The following TTC28 variants were observed in gnomAD, a reference collection of about 807,000 sequenced individuals.
The protein encoded by TTC28 is tetratricopeptide repeat domain 28.
Under a neutral mutation model 198.0 loss-of-function variants are expected in TTC28, and 61 were observed. That is an observed-to-expected ratio of 0.31 (90% CI 0.25 to 0.38). The LOEUF is 0.38. TTC28 is among the 10% of genes least tolerant of loss of function. The pLI is 1.00. For synonymous variants in TTC28, 1,171 were observed against 1,297.8 expected (o/e 0.90, Z 2.10); for missense variants, 2,678 against 3,164.0 (o/e 0.85, Z 3.69).
intron 2 of TTC28, among the ~76,000 whole-genome samples, chr22:28,461,577 C>T (rs991378053): frequency 6.6e-6 from 1 of 152,146 alleles, no homozygotes; most frequent in African/African-American, 2.4e-5. Context: ...GCTGGGATTA[C>T]GGACACCTAC....
chr22:28,530,035 G>A (rs529665577), intron 2 of TTC28, among the ~76,000 whole-genome samples: 2 of 152,318 alleles, frequency 1.3e-5, no homozygotes, highest in East Asian at 1.9e-4. Context: ...GCCAGCAACG[G>A]AACAAAGCTG....
At chr22:28,020,355 G>A (rs62237565) in intron 13 of TTC28, among the ~76,000 whole-genome samples, 1 of 152,162 alleles carries the variant, frequency 6.6e-6, no homozygotes, top group Non-Finnish European at 1.5e-5. Context: ...AACCTACTTC[G>A]GGAACATTTT....
At chr22:28,540,497 A>G (rs997519191) in intron 2 of TTC28, among the ~76,000 whole-genome samples, 1 of 152,202 alleles carries the variant, frequency 6.6e-6, no homozygotes, top group African/African-American at 2.4e-5. Context: ...CAGATAACAT[A>G]ACAGCATTTT....
chr22:28,126,378 C>T (rs920922547), intron 6 of TTC28, among the ~76,000 whole-genome samples: 6 of 152,142 alleles, frequency 3.9e-5, no homozygotes, highest in Admixed American at 6.5e-5. Context: ...CACAATCTCA[C>T]GGTATTTGAG....
intron 2 of TTC28, among the ~76,000 whole-genome samples, chr22:28,384,483 C>T (rs188554095): frequency 5.1e-4 from 78 of 152,174 alleles, no homozygotes; most frequent in Non-Finnish European, 9.6e-4. Flanking sequence ...ATCTCTTTGT[C>T]CCATACTAGA....
intron 5 of TTC28, among the ~76,000 whole-genome samples, chr22:28,294,546 A>ATAAATGCAG (rs1035652749): frequency 2.0e-5 from 3 of 152,004 alleles, no homozygotes; most frequent in Non-Finnish European, 4.4e-5. Flanking sequence ...AAAAAAGAGT[A>ATAAATGCAG]TAAATGCAGC....
intron 2 of TTC28, among the ~76,000 whole-genome samples, chr22:28,363,343 ACAG>A (rs1209568783): frequency 6.6e-6 from 1 of 152,214 alleles, no homozygotes; most frequent in Admixed American, 6.5e-5. Flanking sequence ...CTGCAGGTGC[ACAG>A]AAGTCAAGAA....
At chr22:28,287,908 C>T (rs969399142) in intron 5 of TTC28, among the ~76,000 whole-genome samples, 2 of 152,036 alleles carry the variant, frequency 1.3e-5, no homozygotes, top group African/African-American at 4.8e-5. Context: ...TTATATACCC[C>T]CATGTGACAA....
At chr22:27,990,671 C>T (rs1004639112) in intron 20 of TTC28, 118 bp downstream of exon 20, 24 of 966,218 alleles carry the variant, frequency 2.5e-5, no homozygotes, top group South Asian at 3.4e-5. Context: ...CGCCGCAGCC[C>T]GTGTGGCTCC....
intron 2 of TTC28, among the ~76,000 whole-genome samples, chr22:28,335,384 C>T (rs1398318750): frequency 6.6e-6 from 1 of 152,120 alleles, no homozygotes; most frequent in Non-Finnish European, 1.5e-5. Context: ...TTTTCCAATT[C>T]TGTGAAGAAA....
chr22:28,392,704 C>T (rs1447653322), intron 2 of TTC28, among the ~76,000 whole-genome samples: 3 of 152,132 alleles, frequency 2.0e-5, no homozygotes, highest in Non-Finnish European at 4.4e-5. Flanking sequence ...CTTCGGCTCA[C>T]GCATGGTGCG....
intron 9 of TTC28, among the ~76,000 whole-genome samples, chr22:28,099,778 T>C (rs919126230): frequency 5.4e-4 from 82 of 152,324 alleles, no homozygotes; most frequent in African/African-American, 1.9e-3. Context: ...TCGTGCCTCA[T>C]GGTGAGTAAG....
chr22:28,590,955 AAG>A (rs1193416341), intron 2 of TTC28, among the ~76,000 whole-genome samples: 1 of 146,768 alleles, frequency 6.8e-6, no homozygotes, highest in Non-Finnish European at 1.5e-5. Flanking sequence ...GCAGTGAGCC[AAG>A]ATTGCACCAC....
At chr22:28,339,439 T>G (rs919252030) in intron 2 of TTC28, among the ~76,000 whole-genome samples, 1 of 152,188 alleles carries the variant, frequency 6.6e-6, no homozygotes, top group Non-Finnish European at 1.5e-5. Flanking sequence ...GACATTTAAG[T>G]CTGCAGAGGA....
At chr22:28,476,312 CT>C (rs1344219155) in intron 2 of TTC28, among the ~76,000 whole-genome samples, 4 of 152,072 alleles carry the variant, frequency 2.6e-5, no homozygotes, top group Non-Finnish European at 5.9e-5. Flanking sequence ...TCATTTTCCC[CT>C]TATGTATAAC....
intron 2 of TTC28, among the ~76,000 whole-genome samples, chr22:28,472,758 T>G (rs1465302680): frequency 6.6e-6 from 1 of 151,838 alleles, no homozygotes; most frequent in African/African-American, 2.4e-5. Flanking sequence ...TCCAAAAAAT[T>G]CCCAAAGGAC....
At chr22:28,376,359 G>C (rs1418453846) in intron 2 of TTC28, among the ~76,000 whole-genome samples, 2 of 152,106 alleles carry the variant, frequency 1.3e-5, no homozygotes, top group Admixed American at 1.3e-4. Context: ...TAAGTGCTTT[G>C]TGTGTATTAT....
Position 28,257,756 on chromosome 22 carries a change from A to C in TTC28, c.933+38442T>G, listed in dbSNP as rs1363262649. On this transcript the variant is annotated intron_variant, in intron 5 of 22. Coordinates refer to ENST00000397906, the MANE Select transcript of TTC28 (RefSeq NM_001145418.2). ...TAATAGAACATATATATATATATAT[A>C]TATATATATATATATATATATATAT... 2.6e-3 allele frequency among the ~76,000 whole-genome samples: 105 copies of C among 40,924 alleles called. 2 individuals carry two copies. Among genetic ancestry groups the C allele is most frequent in the African/African-American group, 6.5e-3 (100 of 15,290 alleles). 26.8% of individuals were successfully genotyped at this position (40,924 alleles called of 152,430 possible). A position where few individuals can be genotyped will look rare whatever the true frequency, so the allele number is the denominator to read the frequency against.
intron 6 of TTC28, among the ~76,000 whole-genome samples, chr22:28,160,399 T>C (rs1050460562): frequency 2.0e-5 from 3 of 152,020 alleles, no homozygotes; most frequent in Admixed American, 6.6e-5. Flanking sequence ...AAAGGACATA[T>C]ACAAAGAAAT....
Sources: gnomAD v4.1 joint callset for allele counts (sites outside exome capture counted in the v4.1 genomes callset) on GRCh38, gnomAD v4.1.1 for gene constraint, MANE v1.5 for transcripts, NCBI Gene and HGNC (gene_info 2026-07-23, HGNC 2026-07-21) for gene names.